Variants in MACROD2 observed in about 807,000 individuals in gnomAD.
MACROD2 encodes the protein mono-ADP ribosylhydrolase 2.
Under a neutral mutation model 70.4 loss-of-function variants are expected in MACROD2, and 36 were observed. That is an observed-to-expected ratio of 0.51 (90% CI 0.39 to 0.68). MACROD2 has a LOEUF of 0.68. Among genes scored for constraint, MACROD2 ranks in the 30% least tolerant of loss-of-function variants. The probability of loss-of-function intolerance (pLI) is 0.00; values close to 1 mark genes in which losing one functional copy is unlikely to be tolerated. For synonymous variants in MACROD2, 172 were observed against 178.8 expected (o/e 0.96, Z 0.30); for missense variants, 496 against 538.4 (o/e 0.92, Z 0.78).
At chr20:15,259,240 A>G (rs943510132) in intron 6 of MACROD2, among the ~76,000 whole-genome samples, 2 of 152,042 alleles carry the variant, frequency 1.3e-5, no homozygotes, top group African/African-American at 4.8e-5. Context: ...GAGGAAAAAC[A>G]GTGGGATTCC....
chr20:14,133,433 G>A (rs956127119), intron 3 of MACROD2, among the ~76,000 whole-genome samples: 2 of 152,150 alleles, frequency 1.3e-5, no homozygotes, highest in South Asian at 4.1e-4. Flanking sequence ...TAGACAGTGG[G>A]ACATAGAGGT....
At chr20:15,547,727 G>A (rs2048043431) in intron 8 of MACROD2, among the ~76,000 whole-genome samples, 1 of 152,104 alleles carries the variant, frequency 6.6e-6, no homozygotes, top group Non-Finnish European at 1.5e-5. Flanking sequence ...AGGATGATTT[G>A]TCTCCTGCCA....
intron 5 of MACROD2, among the ~76,000 whole-genome samples, chr20:14,886,697 G>A (rs1291566095): frequency 2.6e-5 from 4 of 152,078 alleles, no homozygotes; most frequent in Non-Finnish European, 5.9e-5. Context: ...AAGTATGATT[G>A]CATTGAAATA....
chr20:14,294,252 A>G (rs1362098229), intron 3 of MACROD2, among the ~76,000 whole-genome samples: 1 of 149,618 alleles, frequency 6.7e-6, no homozygotes, highest in African/African-American at 2.5e-5. Context: ...GTGTGTGTTC[A>G]TGCATGTGTG....
At chr20:15,169,221 G>C (rs2076406636) in intron 5 of MACROD2, among the ~76,000 whole-genome samples, 1 of 152,160 alleles carries the variant, frequency 6.6e-6, no homozygotes, top group South Asian at 2.1e-4. Flanking sequence ...AAAGTAGCTT[G>C]TGTTTGTATT....
At chr20:14,770,417 A>T (rs561314309) in intron 5 of MACROD2, among the ~76,000 whole-genome samples, 7 of 152,204 alleles carry the variant, frequency 4.6e-5, no homozygotes, top group African/African-American at 1.7e-4. Context: ...AAAAATAAAC[A>T]AAAAATAAAA....
At chr20:14,101,664 C>T (rs2054303698) in intron 3 of MACROD2, among the ~76,000 whole-genome samples, 2 of 151,540 alleles carry the variant, frequency 1.3e-5, no homozygotes, top group Admixed American at 6.6e-5. Flanking sequence ...CAGAAAAACC[C>T]ACCTCATCTA....
At chr20:14,958,387 G>T (rs76657871) in intron 5 of MACROD2, among the ~76,000 whole-genome samples, 3 of 152,080 alleles carry the variant, frequency 2.0e-5, no homozygotes, top group East Asian at 1.9e-4. Context: ...TTTCCTTTCC[G>T]TTCAGATTTC....
chr20:14,425,714 T>A (rs2083925295), intron 3 of MACROD2, among the ~76,000 whole-genome samples: 1 of 152,194 alleles, frequency 6.6e-6, no homozygotes, highest in African/African-American at 2.4e-5. Flanking sequence ...GTATCAACTG[T>A]CATCATCCTG....
At chr20:15,466,084 A>G (rs1218592616) in intron 7 of MACROD2, among the ~76,000 whole-genome samples, 3 of 152,218 alleles carry the variant, frequency 2.0e-5, no homozygotes, top group African/African-American at 7.2e-5. Flanking sequence ...GAAGGACATT[A>G]TGGAGTGAGG....
At chr20:14,255,162 C>T (rs1210317933) in intron 3 of MACROD2, among the ~76,000 whole-genome samples, 6 of 151,980 alleles carry the variant, frequency 3.9e-5, no homozygotes, top group Non-Finnish European at 8.8e-5. Context: ...TCTCTGGCTG[C>T]CCTTAACAAT....
intron 8 of MACROD2, among the ~76,000 whole-genome samples, chr20:15,649,123 C>CTCCCT (rs1419257077): frequency 1.4e-4 from 16 of 116,572 alleles, no homozygotes; most frequent in Admixed American, 5.8e-4. Flanking sequence ...CTCCCCTCCC[C>CTCCCT]TCCCTTCCCT....
intron 5 of MACROD2, among the ~76,000 whole-genome samples, chr20:14,752,878 A>T (rs1390900472): frequency 1.3e-5 from 2 of 152,140 alleles, no homozygotes; most frequent in Middle Eastern, 3.2e-3. Flanking sequence ...AGCCATTGTA[A>T]GAGTGTATGA....
chr20:15,160,168 A>G (rs373345926), intron 5 of MACROD2, among the ~76,000 whole-genome samples: 13 of 152,138 alleles, frequency 8.5e-5, no homozygotes, highest in African/African-American at 2.9e-4. Context: ...AGGTGGTTGA[A>G]AAAGATGGGA....
At chr20:15,084,288 G>A (rs770984970) in intron 5 of MACROD2, among the ~76,000 whole-genome samples, 1 of 151,788 alleles carries the variant, frequency 6.6e-6, no homozygotes, top group African/African-American at 2.4e-5. Context: ...TGCTGGTCTC[G>A]AAGTCCTGAC....
chr20:15,660,476 C>G (rs755794257), intron 8 of MACROD2, among the ~76,000 whole-genome samples: 2 of 152,094 alleles, frequency 1.3e-5, no homozygotes, highest in Non-Finnish European at 2.9e-5. Context: ...AAATAGAAAG[C>G]ATCTTTAAAA....
At chr20:14,241,339 G>T (rs1209210636) in intron 3 of MACROD2, among the ~76,000 whole-genome samples, 1 of 152,134 alleles carries the variant, frequency 6.6e-6, no homozygotes, top group African/African-American at 2.4e-5. Context: ...TGTGGTTTAT[G>T]TGTAGAAGGC....
intron 5 of MACROD2, among the ~76,000 whole-genome samples, chr20:14,713,224 C>T (rs756602656): frequency 2.6e-5 from 4 of 152,026 alleles, no homozygotes; most frequent in Admixed American, 2.6e-4. Flanking sequence ...TACCAATGAC[C>T]AGACAGCTTG....
intron 4 of MACROD2, chr20:14,626,961 A>G (rs771891427): frequency 2.0e-5 from 3 of 152,228 alleles, no homozygotes; most frequent in Non-Finnish European, 4.4e-5. Context: ...TTGGCAAGGG[A>G]TAGTAGAGGA....
Sources: allele counts gnomAD v4.1 joint callset (sites outside exome capture counted in the v4.1 genomes callset), GRCh38; gene constraint gnomAD v4.1.1; transcripts MANE v1.5; gene names NCBI Gene and HGNC (gene_info 2026-07-23, HGNC 2026-07-21).